Variants in RAD51B observed in about 807,000 individuals in gnomAD.
RAD51B encodes the protein RAD51 paralog B, also known as DNA repair protein RAD51 homolog 2.
In RAD51B, 38 loss-of-function variants were observed where a neutral mutation model predicts 42.2. That is an observed-to-expected ratio of 0.90 (90% confidence interval 0.70 to 1.18). The LOEUF (loss-of-function observed/expected upper bound fraction) is 1.18, where lower values mean the gene tolerates loss of function less well. Among genes scored for constraint, RAD51B ranks in the 50% most tolerant of loss-of-function variants. The pLI is 0.00. For missense variants in RAD51B, 373 were observed against 400.7 expected, an observed-to-expected ratio of 0.93 and a Z score of 0.59; for synonymous variants, 154 against 145.2, an observed-to-expected ratio of 1.06 and a Z score of -0.43.
At chr14:68,042,211 A>T (rs2076229194) in intron 7 of RAD51B, among the ~76,000 whole-genome samples, 1 of 152,150 alleles carries the variant, frequency 6.6e-6, no homozygotes, top group Admixed American at 6.5e-5. Flanking sequence ...ATAGTTGTTT[A>T]TTCAGTCTCC....
At chr14:68,364,977 G>A (rs575219214) in intron 8 of RAD51B, among the ~76,000 whole-genome samples, 1 of 152,324 alleles carries the variant, frequency 6.6e-6, no homozygotes, top group African/African-American at 2.4e-5. Context: ...AGACGCCCAT[G>A]TCTGGGTGCT....
chr14:67,906,160 G>A (rs377086778), intron 7 of RAD51B, among the ~76,000 whole-genome samples: 25 of 152,178 alleles, frequency 1.6e-4, no homozygotes, highest in Middle Eastern at 6.8e-3. Flanking sequence ...TGATCATGTG[G>A]TTTTTGTTTT....
chr14:68,466,002 T>G (rs1294116040), intron 9 of RAD51B, among the ~76,000 whole-genome samples: 1 of 150,676 alleles, frequency 6.6e-6, no homozygotes, highest in Non-Finnish European at 1.5e-5. Context: ...AAATTCACAT[T>G]GAACCATCTC....
intron 7 of RAD51B, among the ~76,000 whole-genome samples, chr14:67,985,223 T>C (rs1373492441): frequency 2.0e-5 from 3 of 152,238 alleles, no homozygotes. Flanking sequence ...TGTCTTCTAA[T>C]ACATATATAT....
chr14:68,171,219 A>G (rs1223934128), intron 7 of RAD51B, among the ~76,000 whole-genome samples: 2 of 152,246 alleles, frequency 1.3e-5, no homozygotes, highest in African/African-American at 2.4e-5. Context: ...TGACAGAACA[A>G]AAAAGAAATA....
In RAD51B at chr14:68,456,869, A is replaced by ATTTTTTTTTTTTTTTT. The variant is rs71129889; in HGVS notation, c.958-11266_958-11251dup. Among the ~76,000 whole-genome samples the ATTTTTTTTTTTTTTTT allele has an allele frequency of 1.1e-4, 7 of 66,460 alleles. 1 individual carries two copies. Among genetic ancestry groups the ATTTTTTTTTTTTTTTT allele is most frequent in the Non-Finnish European group, 1.8e-4 (6 of 32,922 alleles). The allele number at this position is 66,460 out of a possible 152,430, so 43.6% of individuals were successfully genotyped here. The stretch of plus-strand genomic sequence containing the variant: ...AAACTTCTCCAATCACAATGGAATG[A>ATTTTTTTTTTTTTTTT]TTTTTTTTTTTTTTTTTTTTTTTTT... On this transcript the variant is annotated intron_variant, in intron 9 of 10. Coordinates refer to ENST00000471583, the MANE Select transcript of RAD51B (RefSeq NM_133510.4).
intron 9 of RAD51B, among the ~76,000 whole-genome samples, chr14:68,411,959 C>T (rs911825985): frequency 5.3e-5 from 8 of 152,158 alleles, no homozygotes; most frequent in Non-Finnish European, 1.0e-4. Context: ...AATTATTCCC[C>T]AGATACTAGG....
intron 8 of RAD51B, chr14:68,338,900 C>T (rs898265842): frequency 1.8e-5 from 12 of 648,808 alleles, no homozygotes; most frequent in Middle Eastern, 4.3e-4. Context: ...CTTTGTCTTC[C>T]GAGTTAACCT....
chr14:68,139,158 A>G (rs933241655), intron 7 of RAD51B, among the ~76,000 whole-genome samples: 11 of 152,306 alleles, frequency 7.2e-5, no homozygotes, highest in East Asian at 1.9e-4. Flanking sequence ...ATAACATACT[A>G]TAAGACAGGG....
rs749201328 is a variant in RAD51B, at chr14:67,835,230, GACCTATA to G, written c.315+39_315+45del. On this transcript the variant is annotated intron_variant, in intron 4 of 10. Transcript: ENST00000471583. Reference sequence around the variant, plus strand: ...AAAATTTTTCGTACCTTCTTCCATTGACCTATAACCTTCAGAGCTAGGGAAAAAGTTT... The same window carrying G: ...AAAATTTTTCGTACCTTCTTCCATTGACCTTCAGAGCTAGGGAAAAAGTTT... 7.6e-6 allele frequency: 11 copies of G among 1,445,230 alleles called. No individual in the cohort carries two copies. The East Asian group carries it at 2.3e-4, about 30-fold the overall frequency. 89.5% of individuals were successfully genotyped at this position (1,445,230 alleles called of 1,614,324 possible). A position where few individuals can be genotyped will look rare whatever the true frequency, so the allele number is the denominator to read the frequency against.
chr14:67,871,083 A>C (rs551831223), intron 5 of RAD51B, among the ~76,000 whole-genome samples: 1 of 152,136 alleles, frequency 6.6e-6, no homozygotes, highest in African/African-American at 2.4e-5. Context: ...AAATAACTAA[A>C]ATCAGAGCAG....
intron 7 of RAD51B, among the ~76,000 whole-genome samples, chr14:68,061,312 A>G (rs112282766): frequency 2.6e-4 from 39 of 151,902 alleles, no homozygotes; most frequent in African/African-American, 9.2e-4. Context: ...CAAATGATCC[A>G]CCCACCTTGG....
chr14:68,614,364 T>C (rs532162816), downstream of RAD51B, among the ~76,000 whole-genome samples: 3 of 152,380 alleles, frequency 2.0e-5, no homozygotes, highest in Non-Finnish European at 2.9e-5. Context: ...AATTGAGATA[T>C]AATTGACATA....
intron 10 of RAD51B, chr14:68,497,511 T>C (rs1884615949): frequency 2.5e-5 from 26 of 1,060,782 alleles, no homozygotes; most frequent in Non-Finnish European, 2.7e-5. Context: ...TTTCTCTTTC[T>C]AAAATATTTC....
chr14:68,156,474 T>TCTCG (rs2078512205), intron 7 of RAD51B, among the ~76,000 whole-genome samples: 1 of 150,786 alleles, frequency 6.6e-6, no homozygotes, highest in African/African-American at 2.4e-5. Flanking sequence ...TCTCTCTCTC[T>TCTCG]CTCTCTCTCT....
chr14:67,852,773 G>A (rs1406769331), intron 4 of RAD51B, among the ~76,000 whole-genome samples: 1 of 146,440 alleles, frequency 6.8e-6, no homozygotes, highest in African/African-American at 2.5e-5. Context: ...GCATGCATGT[G>A]TGTATGTGTA....
intron 11 of RAD51B, among the ~76,000 whole-genome samples, chr14:68,663,738 A>T (rs2877498): frequency 1.1e-4 from 16 of 151,964 alleles, no homozygotes; most frequent in African/African-American, 3.6e-4. Flanking sequence ...TGAGAATAGC[A>T]TAAGAGTTAA....
rs139960521 is a variant in RAD51B at position 68,635,048 on chromosome 14, C to T, written c.1037-15733C>T. On this transcript the variant is annotated intron_variant, in intron 10 of 11. Transcript: ENST00000488612. The stretch of plus-strand genomic sequence containing the variant: ...CTCCGGTGACAGGGCCATATGGTTT[C>T]CTTATCTTCCTTATCTTCCAGCACT... Among the ~76,000 whole-genome samples, 3 of 152,288 alleles carry T rather than the reference C, an allele frequency of 2.0e-5. No individual in the cohort carries two copies. The South Asian group carries it at 6.2e-4, about 32-fold the overall frequency.
chr14:67,965,582 C>T (rs2074758568), intron 7 of RAD51B, among the ~76,000 whole-genome samples: 1 of 152,106 alleles, frequency 6.6e-6, no homozygotes, highest in African/African-American at 2.4e-5. Flanking sequence ...GCCAGGGTTT[C>T]AGAGTCTGGC....
Sources: gnomAD v4.1 joint callset for allele counts (sites outside exome capture counted in the v4.1 genomes callset) on GRCh38, gnomAD v4.1.1 for gene constraint, MANE v1.5 for transcripts, NCBI Gene and HGNC (gene_info 2026-07-23, HGNC 2026-07-21) for gene names.